The following RABL6 variants were observed in gnomAD, a reference collection of about 807,000 sequenced individuals.
RABL6 encodes RAB, member RAS oncogene family like 6.
Under a neutral mutation model 72.9 loss-of-function variants are expected in RABL6, and 28 were observed. The observed-to-expected ratio is 0.38, with a 90% CI of 0.28 to 0.53. The LOEUF is 0.53. Ranked by LOEUF, RABL6 falls within the 20% of genes least tolerant of loss-of-function variation. RABL6 has a pLI of 0.80. For synonymous variants in RABL6, 477 were observed against 421.2 expected, an observed-to-expected ratio of 1.13 and a Z score of -1.62; for missense variants, 1,029 against 1,008.4, an observed-to-expected ratio of 1.02 and a Z score of -0.28.
In RABL6 at chr9:136,839,411, T is replaced by G. The variant is rs762943877; in HGVS notation, c.1683T>G (p.Ile561Met). 3 of 1,612,516 alleles carry G rather than the reference T, an allele frequency of 1.9e-6. No homozygotes were observed. The East Asian group carries it at 6.7e-5, about 36-fold the overall frequency. Residue 561 changes from isoleucine (I) to methionine (M), a missense_variant, in exon 12 of 15, where the codon ATT (isoleucine) becomes ATG (methionine). By Grantham distance (10) the Ile-to-Met change is conservative. Around this residue, in one of 2 missense-constraint regions of RABL6, gnomAD observed 595 missense variants for 472.4 expected, o/e 1.26. Coordinates refer to ENST00000311502, the MANE Select transcript of RABL6 (RefSeq NM_024718.5). ...SSSESDPEGP[I>M]AAQMLSFVMD... is the part of the protein sequence containing the mutation. ...CGGAGAGTGACCCCGAGGGACCCAT[T>G]GCTGCACAAATGCTGTCCTTCGTCA... is the stretch of plus-strand genomic sequence containing the variant.
intron 1 of RABL6, chr9:136,814,592 A>C (rs1486833252): frequency 6.6e-6 from 1 of 152,054 alleles, no homozygotes; most frequent in East Asian, 1.9e-4. Flanking sequence ...TCTACTAAAA[A>C]TACAAAAATT....
At chr9:136,823,384 C>G in intron 1 of RABL6, 141 bp from the exon 2 acceptor site, 1 of 1,188,780 alleles carries the variant, frequency 8.4e-7, no homozygotes, top group Non-Finnish European at 1.2e-6. Context: ...CCTCCCCTGC[C>G]TGCCGGTCAC....
Position 136,840,997 on chromosome 9 carries a change from GCGGCCCAGGCCCCACGCTAGAAGGC to G in RABL6, c.*476_*500del. ...CGGGTGTGCAGACTCACCCTAAAGGGCGGCCCAGGCCCCACGCTAGAAGGCTGGCGAGACCGAAGGCAGCATGTGA... is the reference window on the plus strand; with the variant it reads ...CGGGTGTGCAGACTCACCCTAAAGGGTGGCGAGACCGAAGGCAGCATGTGA... On this transcript the variant is annotated 3_prime_UTR_variant, in exon 15 of 15. Transcript: ENST00000311502. 2.8e-6 allele frequency: 4 copies of G among 1,444,530 alleles called. No homozygotes were observed. Among genetic ancestry groups the G allele is most frequent in the Non-Finnish European group, 3.7e-6 (4 of 1,095,778 alleles). The allele number at this position is 1,444,530 out of a possible 1,614,324, so 89.5% of individuals were successfully genotyped here. A position where few individuals can be genotyped will look rare whatever the true frequency, so the allele number is the denominator to read the frequency against.
At position 136,807,997 on chromosome 9, in the gene RABL6, G is replaced by C. The variant is rs896004210; in HGVS notation, c.-200G>C. 3.0e-6 allele frequency: 3 copies of C among 1,015,532 alleles called. No homozygotes were observed. The highest frequency in any genetic ancestry group is 4.8e-4 in the Middle Eastern group (1 of 2,086). The allele number at this position is 1,015,532 out of a possible 1,614,324, so 62.9% of individuals were successfully genotyped here. ...AGCGGTCGCGCCGGAGGCCGCGGGGGCCGGAGCGGAGCAGCCGCGGCTGAG... is the reference window on the plus strand; with the variant it reads ...AGCGGTCGCGCCGGAGGCCGCGGGGCCCGGAGCGGAGCAGCCGCGGCTGAG... On this transcript the variant is annotated 5_prime_UTR_variant, in exon 1 of 15. Transcript: ENST00000311502.
chr9:136,834,227 T>C lies in RABL6; in HGVS notation c.706-1515T>C, dbSNP rs148377514. The C allele has an allele frequency of 1.4e-4, 167 of 1,197,308 alleles. No individual in the cohort carries two copies. In the African/African-American group the frequency reaches 2.4e-3, roughly 17 times the overall value. The allele number at this position is 1,197,308 out of a possible 1,614,324, so 74.2% of individuals were successfully genotyped here. On this transcript the variant is annotated intron_variant, in intron 7 of 14. Transcript: ENST00000311502. ...CACATCTCTAAAAAAATCAGTTGTT[T>C]TTTTAACCTGACCGTAGTACCTAAT...
At chr9:136,809,931 T>G (rs1847970522) in intron 1 of RABL6, 1 of 153,266 alleles carries the variant, frequency 6.5e-6, no homozygotes, top group African/African-American at 2.4e-5. Flanking sequence ...AGTGGAAGCC[T>G]GGGGGCTCGC....
chr9:136,837,967 G>A lies in RABL6; in HGVS notation c.1232G>A (p.Arg411Lys). 2 of 1,569,134 alleles carry A rather than the reference G, an allele frequency of 1.3e-6. No individual in the cohort carries two copies. Among genetic ancestry groups the A allele is most frequent in the East Asian group, 2.4e-5 (1 of 42,260 alleles). Reference protein sequence around the residue: ...RSFLEDTTPARDEKKVGAKAA... With the variant: ...RSFLEDTTPAKDEKKVGAKAA... ...TTCCTGGAAGACACAACCCCCGCCA[G>A]GGACGAGAAGAAGGTGGGGGCCAAG... Residue 411 changes from arginine (R) to lysine (K), a missense_variant, in exon 10 of 15, where the codon AGG becomes AAG. This residue lies in a region of RABL6 where 595 missense variants were observed against 472.4 expected (regional missense o/e 1.26). Coordinates refer to ENST00000311502, the MANE Select transcript of RABL6 (RefSeq NM_024718.5).
chr9:136,835,659 C>G, intron 7 of RABL6, 83 bp from the exon 8 acceptor site: 1 of 1,261,622 alleles, frequency 7.9e-7, no homozygotes, highest in South Asian at 1.4e-5. Flanking sequence ...AGGAGGCGTC[C>G]CCTGTGCATT....
rs1011047229 is a variant in RABL6 at position 136,835,870 on chromosome 9, G to A, written c.809+25G>A. ...TGTATGTGGCCGGACCCGCCCGTGCGGGCGGTGTGGGGGCTGCGGGCGTGG... is the reference window on the plus strand; with the variant it reads ...TGTATGTGGCCGGACCCGCCCGTGCAGGCGGTGTGGGGGCTGCGGGCGTGG... On this transcript the variant is annotated intron_variant, in intron 8 of 14. Transcript: ENST00000311502. 1.7e-5 allele frequency: 26 copies of A among 1,544,992 alleles called. No individual in the cohort carries two copies. The East Asian group carries it at 4.6e-4, about 28-fold the overall frequency.
At chr9:136,818,362 CAAAAAAAAAAAAAAA>C (rs1564360781) in intron 1 of RABL6, among the ~76,000 whole-genome samples, 2 of 15,004 alleles carry the variant, frequency 1.3e-4, no homozygotes, top group Admixed American at 1.3e-3. Context: ...GACTCTGTCT[CAAAAAAAAAAAAAAA>C]AAAAAAAAAA....
At position 136,831,829 on chromosome 9, in the gene RABL6, C is replaced by T. The variant is rs1056408566; in HGVS notation, c.567C>T (p.Asp189=). 8 of 1,612,818 alleles carry T rather than the reference C, an allele frequency of 5.0e-6. No individual in the cohort carries two copies. The highest frequency in any genetic ancestry group is 1.7e-4 in the Middle Eastern group (1 of 6,048). Reference sequence around the variant, plus strand: ...GCGAGCACCGAGTCATCCTGCCGGACGACGTGCGTGACTTCATCGACAACC... The same window carrying T: ...GCGAGCACCGAGTCATCCTGCCGGATGACGTGCGTGACTTCATCGACAACC... ...DMGEHRVILP[D]DVRDFIDNLD... is the part of the protein sequence containing the mutation. Residue 189 remains aspartate (D), a synonymous_variant, in exon 6 of 15, where the codon GAC becomes GAT. Transcript: ENST00000311502.
At chr9:136,814,223 C>G (rs1848070668) in intron 1 of RABL6, 1 of 233,700 alleles carries the variant, frequency 4.3e-6, no homozygotes, top group African/African-American at 2.4e-5. Flanking sequence ...CAGGGTCTTG[C>G]TCTGTTACCC....
Position 136,828,483 on chromosome 9 carries a change from T to C in RABL6, c.314-11T>C, listed in dbSNP as rs1216036736. The C allele has an allele frequency of 1.2e-6, 2 of 1,612,770 alleles. No homozygotes were observed. The highest frequency in any genetic ancestry group is 3.3e-5 in the Admixed American group (2 of 60,010). On this transcript the variant is annotated splice_polypyrimidine_tract_variant and intron_variant, in intron 3 of 14. Transcript: ENST00000311502. ...GTTCCACCTCGTAATTTTTGTTTGT[T>C]TTTAAATAAGGAAAATGCAAAAAGC...
At position 136,840,404 on chromosome 9, in the gene RABL6, GGCA is replaced by G. The variant is rs1564374799; in HGVS notation, c.2078_2080del (p.Gln693del). ...GAGGGCAAGGAGGAGCGGCGACGGC[GGCA>G]GCAGCGGCCCCCGCGCAGCAGGGAG... On this transcript the variant is annotated inframe_deletion, in exon 15 of 15. Transcript: ENST00000311502. 2 of 1,550,770 alleles carry G rather than the reference GGCA, an allele frequency of 1.3e-6. No individual in the cohort carries two copies. Among genetic ancestry groups the G allele is most frequent in the South Asian group, 1.2e-5 (1 of 84,226 alleles).
chr9:136,839,591 C>T (rs773861378), intron 12 of RABL6, 103 bp from the exon 13 acceptor site: 65 of 1,550,070 alleles, frequency 4.2e-5, no homozygotes, highest in Non-Finnish European at 5.2e-5. Context: ...GAAGAGGCAT[C>T]TCATGTCCCC....
chr9:136,839,761 C>T lies in RABL6; in HGVS notation c.1826C>T (p.Pro609Leu). The change falls in exon 13 of 15, where the codon CCC (proline) becomes CTC (leucine). Residue 609 changes from proline to leucine, a missense_variant. By Grantham distance (98) the Pro-to-Leu change is moderately conservative (BLOSUM62 -3). Coordinates refer to ENST00000311502, the MANE Select transcript of RABL6 (RefSeq NM_024718.5). ...TDEDEGPAEPPPPPKLPLPAF... is the reference protein window; with the variant it reads ...TDEDEGPAEPLPPPKLPLPAF... ...GAGGATGAGGGCCCTGCCGAGCCGCCCCCACCCCCCAAGCTCCCTCTCCCC... is the reference window on the plus strand; with the variant it reads ...GAGGATGAGGGCCCTGCCGAGCCGCTCCCACCCCCCAAGCTCCCTCTCCCC... The T allele has an allele frequency of 6.2e-7, 1 of 1,612,290 alleles. No individual in the cohort carries two copies.
At chr9:136,823,826 G>A (rs777437105) in intron 2 of RABL6, among the ~76,000 whole-genome samples, 167 bp downstream of exon 2, 2 of 152,248 alleles carry the variant, frequency 1.3e-5, no homozygotes, top group Non-Finnish European at 2.9e-5. Flanking sequence ...CTCTTTTGGG[G>A]TGGATCACCC....
intron 1 of RABL6, chr9:136,808,678 G>T (rs1847928833): frequency 6.5e-6 from 1 of 154,192 alleles, no homozygotes; most frequent in Admixed American, 6.5e-5. Context: ...CCGGCCCGGG[G>T]CGCCGCGCCC....
chr9:136,833,919 C>A (rs757522707), intron 7 of RABL6: 1 of 1,550,096 alleles, frequency 6.5e-7, no homozygotes, highest in South Asian at 1.2e-5. Flanking sequence ...GTTGATTACT[C>A]CTTAGAGAGC....
Sources: gnomAD v4.1 joint callset for allele counts (sites outside exome capture counted in the v4.1 genomes callset) on GRCh38, gnomAD v4.1.1 for gene constraint, gnomAD v4.1.1 regional missense constraint, MANE v1.5 for transcripts, NCBI Gene and HGNC (gene_info 2026-07-23, HGNC 2026-07-21) for gene names.